Variants in CHD6 observed in about 807,000 individuals in gnomAD.
CHD6 encodes the protein chromodomain helicase DNA binding protein 6.
CHD6 carries 50 observed loss-of-function variants against 276.9 expected under a neutral mutation model. The ratio of observed to expected loss-of-function variants is 0.18; its 90% CI spans 0.14 to 0.23. CHD6 has a LOEUF of 0.23. Among genes scored for constraint, CHD6 ranks in the 10% least tolerant of loss-of-function variants. CHD6 has a pLI of 1.00. For missense variants in CHD6, 2,564 were observed against 3,365.8 expected, an observed-to-expected ratio of 0.76 and a Z score of 5.89; for synonymous variants, 1,173 against 1,229.3, an observed-to-expected ratio of 0.95 and a Z score of 0.96.
At chr20:41,533,670 T>A in intron 2 of CHD6, 100 bp from the exon 3 acceptor site, 4 of 1,089,916 alleles carry the variant, frequency 3.7e-6, no homozygotes, top group Non-Finnish European at 5.2e-6. Context: ...AACAAATATT[T>A]ACTGAGTTCC....
At chr20:41,444,867 AT>A (rs74710857) in intron 25 of CHD6, among the ~76,000 whole-genome samples, 3,887 of 152,320 alleles carry the variant, frequency 0.026, 61 homozygotes, top group South Asian at 0.054. Context: ...AATGTCACAC[AT>A]TTTAGTAAGT....
intron 1 of CHD6, among the ~76,000 whole-genome samples, chr20:41,562,714 C>G (rs2045314611): frequency 6.6e-6 from 1 of 152,134 alleles, no homozygotes. Context: ...ATATCCTTAT[C>G]TGTAAGATTA....
intron 1 of CHD6, among the ~76,000 whole-genome samples, chr20:41,557,412 CT>C (rs543587210): frequency 5.4e-4 from 80 of 146,996 alleles, no homozygotes; most frequent in Middle Eastern, 3.5e-3. Context: ...GTTTTCTTTT[CT>C]TTTTTTTTTT....
At chr20:41,545,132 C>A (rs965194264) in intron 2 of CHD6, among the ~76,000 whole-genome samples, 10 of 152,152 alleles carry the variant, frequency 6.6e-5, no homozygotes, top group Admixed American at 4.6e-4. Context: ...TAACTCTCCC[C>A]ACGTGTCCCA....
At chr20:41,482,562 C>A (rs764859096) in intron 16 of CHD6, 1 of 511,782 alleles carries the variant, frequency 2.0e-6, no homozygotes, top group South Asian at 1.4e-5. Flanking sequence ...CTTAGCAATG[C>A]CTAGGCTACC....
chr20:41,529,701 A>C (rs2044633203), intron 3 of CHD6, among the ~76,000 whole-genome samples: 1 of 152,080 alleles, frequency 6.6e-6, no homozygotes, highest in Admixed American at 6.5e-5. Context: ...AGATTAATCG[A>C]GTTGGCCAGG....
At chr20:41,611,182 G>A (rs11696455) in intron 1 of CHD6, among the ~76,000 whole-genome samples, 3,885 of 151,970 alleles carry the variant, frequency 0.026, 77 homozygotes, top group Middle Eastern at 0.041. Flanking sequence ...TTTATTATAC[G>A]GCTTGCTTAG....
At chr20:41,584,767 T>G (rs1293560099) in intron 1 of CHD6, among the ~76,000 whole-genome samples, 2 of 151,936 alleles carry the variant, frequency 1.3e-5, no homozygotes, top group African/African-American at 2.4e-5. Context: ...AGAATCAAAA[T>G]CAAAACAACA....
At position 41,425,344 on chromosome 20, in the gene CHD6, G is replaced by C; in HGVS notation, c.4180C>G (p.Leu1394Val). The change falls in exon 29 of 37, where the codon CTC becomes GTC. Residue 1394 changes from leucine (L) to valine (V), a missense_variant. By Grantham distance (32) the Leu-to-Val change is conservative. Around this residue, in one of 7 missense-constraint regions of CHD6, gnomAD observed 515 missense variants for 739.5 expected, o/e 0.70. Coordinates refer to ENST00000373233, the MANE Select transcript of CHD6 (RefSeq NM_032221.5). ...ACCAGACGTCTGAGACGAGCTGTGA[G>C]GGCGGAGGAAACTGGCCAGGGCGAT... ...DKSPWPVSSALTARLRRLVTV... is the reference protein window; with the variant it reads ...DKSPWPVSSAVTARLRRLVTV... The C allele has an allele frequency of 1.9e-6, 3 of 1,614,210 alleles. No homozygotes were observed. The highest frequency in any genetic ancestry group is 2.5e-6 in the Non-Finnish European group (3 of 1,180,034).
intron 1 of CHD6, among the ~76,000 whole-genome samples, chr20:41,614,481 T>C (rs1010225076): frequency 2.6e-5 from 4 of 152,302 alleles, no homozygotes; most frequent in Admixed American, 6.5e-5. Flanking sequence ...AGTTACATCA[T>C]ATACACCCCA....
At chr20:41,559,877 A>G (rs980292757) in intron 1 of CHD6, among the ~76,000 whole-genome samples, 1 of 151,620 alleles carries the variant, frequency 6.6e-6, no homozygotes, top group Non-Finnish European at 1.5e-5. Flanking sequence ...ACACACACAC[A>G]CGCACACATA....
At position 41,405,272 on chromosome 20, in the gene CHD6, A is replaced by G; in HGVS notation, c.7469T>C (p.Ile2490Thr). 6.2e-7 allele frequency: 1 copy of G among 1,614,142 alleles called. No homozygotes were observed. Among genetic ancestry groups the G allele is most frequent in the Non-Finnish European group, 8.5e-7 (1 of 1,180,024 alleles). ...GLQNMRNMPG[I>T]PLTGLVGFPA... ...AAACCCCACCAGCCCGGTGAGGGGGATGCCTGGCATATTTCTCATGTTCTG... is the reference window on the plus strand; with the variant it reads ...AAACCCCACCAGCCCGGTGAGGGGGGTGCCTGGCATATTTCTCATGTTCTG... The change falls in exon 37 of 37, where the codon ATC becomes ACC. Residue 2490 changes from isoleucine to threonine, a missense_variant. Transcript: ENST00000373233.
Position 41,404,031 on chromosome 20 carries a change from T to C in CHD6, c.*562A>G, listed in dbSNP as rs1176685523. ...TTTTTGTTTTTTATAAAGAAATGAA[T>C]ATATGTATTTTCAACCATTAGTTAT... On this transcript the variant is annotated 3_prime_UTR_variant, in exon 37 of 37. Coordinates refer to ENST00000373233, the MANE Select transcript of CHD6 (RefSeq NM_032221.5). 9.5e-7 allele frequency: 1 copy of C among 1,047,642 alleles called. No homozygotes were observed. The highest frequency in any genetic ancestry group is 1.2e-6 in the Non-Finnish European group (1 of 867,358). The allele number at this position is 1,047,642 out of a possible 1,614,324, so 64.9% of individuals were successfully genotyped here. A position where few individuals can be genotyped will look rare whatever the true frequency, so the allele number is the denominator to read the frequency against.
chr20:41,542,929 C>T (rs2044972619), intron 2 of CHD6, among the ~76,000 whole-genome samples: 1 of 151,576 alleles, frequency 6.6e-6, no homozygotes, highest in Non-Finnish European at 1.5e-5. Flanking sequence ...ATGGTGAAAC[C>T]CCATCTCTAC....
intron 12 of CHD6, among the ~76,000 whole-genome samples, chr20:41,489,306 G>A (rs889312752): frequency 6.6e-6 from 1 of 152,134 alleles, no homozygotes; most frequent in Admixed American, 6.5e-5. Context: ...CTAAGTGACA[G>A]CACTTAAAAA....
chr20:41,485,468 ACT>A (rs940691823), intron 14 of CHD6: 14 of 152,288 alleles, frequency 9.2e-5, no homozygotes, highest in African/African-American at 3.4e-4. Flanking sequence ...AAAGGGGTAG[ACT>A]CTGCATAAAC....
intron 3 of CHD6, among the ~76,000 whole-genome samples, chr20:41,521,804 G>A (rs556626721): frequency 6.6e-6 from 1 of 152,314 alleles, no homozygotes; most frequent in South Asian, 2.1e-4. Flanking sequence ...AAGTAAGAGG[G>A]TGTTTAGAAA....
At chr20:41,413,632 C>G in intron 34 of CHD6, 117 bp from the exon 35 acceptor site, 1 of 893,410 alleles carries the variant, frequency 1.1e-6, no homozygotes, top group Non-Finnish European at 1.7e-6. Context: ...CCTGATATTA[C>G]TCAGCTGGGG....
intron 2 of CHD6, among the ~76,000 whole-genome samples, chr20:41,547,227 G>A (rs551676518): frequency 6.6e-6 from 1 of 152,160 alleles, no homozygotes; most frequent in Non-Finnish European, 1.5e-5. Flanking sequence ...CCTTGCCACT[G>A]ACAAACTAAA....
Sources: allele counts gnomAD v4.1 joint callset (sites outside exome capture counted in the v4.1 genomes callset), GRCh38; gene constraint gnomAD v4.1.1; regional missense constraint gnomAD v4.1.1; transcripts MANE v1.5; gene names NCBI Gene and HGNC (gene_info 2026-07-23, HGNC 2026-07-21).